Variants in IMPG2 observed in about 807,000 individuals in gnomAD.
IMPG2 encodes the protein interphotoreceptor matrix proteoglycan 2, also known as IPM 200.
A neutral mutation model predicts 129.2 loss-of-function variants in IMPG2; 91 were observed. That is an observed-to-expected ratio of 0.70 (90% confidence interval 0.59 to 0.84). The LOEUF (loss-of-function observed/expected upper bound fraction) is 0.84. Ranked by LOEUF, IMPG2 falls within the 40% of genes least tolerant of loss-of-function variation. The probability of loss-of-function intolerance (pLI) is 0.00; values close to 1 mark genes in which losing one functional copy is unlikely to be tolerated. For missense variants in IMPG2, 1,430 were observed against 1,461.7 expected, an observed-to-expected ratio of 0.98 and a Z score of 0.35; for synonymous variants, 510 against 517.7, an observed-to-expected ratio of 0.99 and a Z score of 0.20.
At chr3:101,253,555 T>C in intron 11 of IMPG2, 141 bp downstream of exon 11, 1 of 694,788 alleles carries the variant, frequency 1.4e-6, no homozygotes, top group Non-Finnish European at 2.6e-6. Context: ...CTGACAGCTA[T>C]GAGTAATGGT....
In IMPG2 at chr3:101,243,873, G is replaced by T. The variant is rs773849682; in HGVS notation, c.2458C>A (p.Pro820Thr). The change falls in exon 13 of 19, where the codon CCA becomes ACA. Residue 820 changes from proline (P) to threonine (T), a missense_variant. Pro to Thr is a conservative substitution (Grantham distance 38, BLOSUM62 -1). Transcript: ENST00000193391. ...TCTAGCAGGGTGGAGATTGTGGTTG[G>T]AGGCAATTTGGTAGACTGTGTCACA... ...LSVTQSTKLP[P>T]TTISTLLEDE... is the part of the protein sequence containing the mutation. 2 of 1,614,148 alleles carry T rather than the reference G, an allele frequency of 1.2e-6. No individual in the cohort carries two copies. The highest frequency in any genetic ancestry group is 2.2e-5 in the South Asian group (2 of 91,084).
chr3:101,279,257 C>T (rs1009790775), intron 4 of IMPG2, among the ~76,000 whole-genome samples: 1 of 152,152 alleles, frequency 6.6e-6, no homozygotes, highest in Non-Finnish European at 1.5e-5. Flanking sequence ...TTCTGGCAAC[C>T]ACCTTAAGAA....
At chr3:101,285,811 C>T (rs988405439) in intron 4 of IMPG2, among the ~76,000 whole-genome samples, 7 of 152,102 alleles carry the variant, frequency 4.6e-5, no homozygotes, top group Admixed American at 3.3e-4. Flanking sequence ...GGTAGATTTA[C>T]GGGGTACAAG....
At chr3:101,310,490 A>G (rs1235194749) in intron 2 of IMPG2, among the ~76,000 whole-genome samples, 2 of 150,596 alleles carry the variant, frequency 1.3e-5, no homozygotes, top group African/African-American at 2.5e-5. Context: ...ACCCAGGGAG[A>G]TCGAGTACGC....
intron 4 of IMPG2, among the ~76,000 whole-genome samples, chr3:101,290,439 C>T (rs1157887419): frequency 6.6e-6 from 1 of 152,066 alleles, no homozygotes; most frequent in Middle Eastern, 3.2e-3. Flanking sequence ...AGCCTGGGAG[C>T]ACGAGGCTGC....
rs776750923 is a variant in IMPG2 at position 101,245,762 on chromosome 3, G to C, written c.1543+40C>G. 1.9e-6 allele frequency: 3 copies of C among 1,566,848 alleles called. No individual in the cohort carries two copies. In the Admixed American group the frequency reaches 5.0e-5, roughly 26 times the overall value. ...CCTCTCTTTAAAACCCCTGTCATCG[G>C]ATACAATAAGAAGTACGAAAAGCAA... On this transcript the variant is annotated intron_variant, in intron 12 of 18. Coordinates refer to ENST00000193391, the MANE Select transcript of IMPG2 (RefSeq NM_016247.4).
intron 11 of IMPG2, 70 bp from the exon 12 acceptor site, chr3:101,246,175 C>G: frequency 6.9e-7 from 1 of 1,446,932 alleles, no homozygotes. Context: ...TTAAATACCA[C>G]CTATCTGTCT....
At chr3:101,278,816 C>T (rs891378814) in intron 4 of IMPG2, among the ~76,000 whole-genome samples, 1 of 151,920 alleles carries the variant, frequency 6.6e-6, no homozygotes, top group Non-Finnish European at 1.5e-5. Flanking sequence ...ATTTAGAGCA[C>T]ATTTGCATAA....
At position 101,235,923 on chromosome 3, in the gene IMPG2, G is replaced by T. The variant is rs1394464554; in HGVS notation, c.3023-2932C>A. On this transcript the variant is annotated intron_variant, in intron 14 of 18. Coordinates refer to ENST00000193391, the MANE Select transcript of IMPG2 (RefSeq NM_016247.4). Reference sequence around the variant, plus strand: ...AACATCATAGCTGGCTGGGTCCTGGGAAAAAAGTTGGCCAGTAAGAGATGC... The same window carrying T: ...AACATCATAGCTGGCTGGGTCCTGGTAAAAAAGTTGGCCAGTAAGAGATGC... 2.6e-5 allele frequency among the ~76,000 whole-genome samples: 4 copies of T among 152,188 alleles called. No individual in the cohort carries two copies. In the East Asian group the frequency reaches 7.7e-4, roughly 29 times the overall value.
chr3:101,261,803 G>A (rs1002353974), intron 9 of IMPG2, among the ~76,000 whole-genome samples: 1 of 152,010 alleles, frequency 6.6e-6, no homozygotes, highest in Non-Finnish European at 1.5e-5. Context: ...AGAAAACCAA[G>A]AGGCCAAGGA....
chr3:101,279,246 A>T (rs1706868917), intron 4 of IMPG2, among the ~76,000 whole-genome samples: 1 of 152,244 alleles, frequency 6.6e-6, no homozygotes, highest in African/African-American at 2.4e-5. Flanking sequence ...AACTAACTTA[A>T]TTCTGGCAAC....
Position 101,225,233 on chromosome 3 carries a change from AGT to A in IMPG2, c.*1734_*1735del, listed in dbSNP as rs1248536620. ...TACTTTTCAAATGGGCCCAGTGGAA[AGT>A]GTCTAATTATCCAATATTAAGACTA... On this transcript the variant is annotated 3_prime_UTR_variant, in exon 19 of 19. Transcript: ENST00000193391. 1.3e-5 allele frequency: 2 copies of A among 152,268 alleles called. No individual in the cohort carries two copies. Among genetic ancestry groups the A allele is most frequent in the Non-Finnish European group, 2.9e-5 (2 of 68,046 alleles). 9.4% of individuals were successfully genotyped at this position (152,268 alleles called of 1,614,324 possible).
At chr3:101,252,052 C>T (rs182706827) in intron 11 of IMPG2, among the ~76,000 whole-genome samples, 67 of 152,150 alleles carry the variant, frequency 4.4e-4, no homozygotes, top group African/African-American at 1.5e-3. Context: ...AAGGAGTTGG[C>T]GTCAATGCAA....
chr3:101,240,264 T>C (rs910938800), intron 14 of IMPG2, among the ~76,000 whole-genome samples: 1 of 152,094 alleles, frequency 6.6e-6, no homozygotes, highest in Non-Finnish European at 1.5e-5. Flanking sequence ...ACTACAGGCA[T>C]ATGCCACAGT....
At chr3:101,280,721 G>A (rs993123099) in intron 4 of IMPG2, among the ~76,000 whole-genome samples, 2 of 151,984 alleles carry the variant, frequency 1.3e-5, no homozygotes, top group Non-Finnish European at 2.9e-5. Context: ...CGAGGTGGAC[G>A]GATCACCTGA....
At chr3:101,280,033 G>A (rs1468784675) in intron 4 of IMPG2, among the ~76,000 whole-genome samples, 1 of 152,204 alleles carries the variant, frequency 6.6e-6, no homozygotes, top group African/African-American at 2.4e-5. Flanking sequence ...CTTGGAAAGA[G>A]AAATACTACT....
intron 7 of IMPG2, among the ~76,000 whole-genome samples, 186 bp from the exon 8 acceptor site, chr3:101,269,759 C>A (rs1480608775): frequency 6.6e-6 from 1 of 151,704 alleles, no homozygotes; most frequent in Non-Finnish European, 1.5e-5. Flanking sequence ...CCACATTTTT[C>A]TTTTTCATTT....
intron 3 of IMPG2, among the ~76,000 whole-genome samples, chr3:101,295,146 T>G (rs1707065719): frequency 6.6e-6 from 1 of 152,240 alleles, no homozygotes; most frequent in Admixed American, 6.5e-5. Context: ...CGTCATGAAG[T>G]CTTTGCCCAT....
At chr3:101,306,044 C>T (rs1707185805) in intron 2 of IMPG2, among the ~76,000 whole-genome samples, 1 of 152,204 alleles carries the variant, frequency 6.6e-6, no homozygotes, top group Non-Finnish European at 1.5e-5. Flanking sequence ...TGGACTCCCA[C>T]AGTCAGAAGA....
Sources: allele counts gnomAD v4.1 joint callset (sites outside exome capture counted in the v4.1 genomes callset), GRCh38; gene constraint gnomAD v4.1.1; transcripts MANE v1.5; gene names NCBI Gene and HGNC (gene_info 2026-07-23, HGNC 2026-07-21).